The following CSMD1 variants were observed in gnomAD, a reference collection of about 807,000 sequenced individuals.
CSMD1 encodes the protein CUB and sushi domain-containing protein 1.
Under a neutral mutation model 417.5 loss-of-function variants are expected in CSMD1, and 213 were observed. The ratio of observed to expected loss-of-function variants is 0.51; its 90% CI spans 0.46 to 0.57. The LOEUF (loss-of-function observed/expected upper bound fraction) is 0.57, where lower values mean the gene tolerates loss of function less well. CSMD1 is among the 20% of genes least tolerant of loss of function. CSMD1 has a pLI of 0.00. For missense variants in CSMD1, 6,923 were observed against 4,529.7 expected (o/e 1.53, Z -15.17); for synonymous variants, 2,862 against 1,736.8 (o/e 1.65, Z -16.11).
intron 10 of CSMD1, among the ~76,000 whole-genome samples, chr8:3,508,308 G>A (rs1015898220): frequency 3.3e-5 from 5 of 149,662 alleles, no homozygotes; most frequent in East Asian, 2.1e-4. Flanking sequence ...CAGGGCAGGT[G>A]AGAACACTTG....
At chr8:3,143,243 A>C (rs964496342) in intron 40 of CSMD1, among the ~76,000 whole-genome samples, 9 of 152,170 alleles carry the variant, frequency 5.9e-5, no homozygotes, top group Non-Finnish European at 1.3e-4. Flanking sequence ...GGCTTTTACT[A>C]ACTGGACGGT....
At chr8:4,659,235 C>A (rs1000751941) in intron 1 of CSMD1, among the ~76,000 whole-genome samples, 3 of 150,510 alleles carry the variant, frequency 2.0e-5, no homozygotes, top group Non-Finnish European at 4.4e-5. Flanking sequence ...AGAGGAAATG[C>A]ATAGCTGCAA....
At chr8:3,877,336 G>C (rs1176463592) in intron 5 of CSMD1, among the ~76,000 whole-genome samples, 1 of 152,188 alleles carries the variant, frequency 6.6e-6, no homozygotes, top group Non-Finnish European at 1.5e-5. Flanking sequence ...CTGTGTCCAT[G>C]ATGGGGGAGG....
In CSMD1 at chr8:4,031,964, G is replaced by A. The variant is rs765683466; in HGVS notation, c.551C>T (p.Thr184Ile). The stretch of plus-strand genomic sequence containing the variant: ...ACCATTTCCTGGGCTGACGATGCAG[G>A]TCAGGATGGCGTGGCCTTCCAAGAT... ...GYILEGHAIL[T>I]CIVSPGNGAS... Residue 184 changes from threonine (T) to isoleucine (I), a missense_variant, in exon 4 of 70, where the codon ACC becomes ATC. By Grantham distance (89) the Thr-to-Ile change is moderately conservative (BLOSUM62 -1). Transcript: ENST00000635120. 1.9e-5 allele frequency: 31 copies of A among 1,613,846 alleles called. 1 individual carries two copies. In the South Asian group the frequency reaches 2.9e-4, roughly 15 times the overall value.
intron 26 of CSMD1, among the ~76,000 whole-genome samples, chr8:3,262,036 G>T (rs546892136): frequency 2.2e-4 from 33 of 151,694 alleles, no homozygotes; most frequent in Middle Eastern, 3.4e-3. Flanking sequence ...TGTTTTATTT[G>T]TTGCCACTCT....
At chr8:3,726,987 A>G (rs1447793994) in intron 6 of CSMD1, among the ~76,000 whole-genome samples, 2 of 152,182 alleles carry the variant, frequency 1.3e-5, no homozygotes, top group Non-Finnish European at 2.9e-5. Context: ...ACCACCAGTA[A>G]ACACTGTGAA....
intron 3 of CSMD1, among the ~76,000 whole-genome samples, chr8:4,086,931 C>A (rs1026629081): frequency 1.3e-5 from 2 of 152,228 alleles, no homozygotes; most frequent in African/African-American, 4.8e-5. Flanking sequence ...GTTAAACTCA[C>A]TAACCAGCTG....
At chr8:4,598,960 C>A (rs1440771549) in intron 2 of CSMD1, among the ~76,000 whole-genome samples, 2 of 152,080 alleles carry the variant, frequency 1.3e-5, no homozygotes, top group African/African-American at 4.8e-5. Flanking sequence ...AAATGTTAAA[C>A]CAATTGTTAG....
At chr8:3,884,738 A>C (rs1806438814) in intron 5 of CSMD1, among the ~76,000 whole-genome samples, 1 of 152,118 alleles carries the variant, frequency 6.6e-6, no homozygotes, top group Admixed American at 6.6e-5. Context: ...TAACTTGTAT[A>C]AAACCTGTGA....
intron 1 of CSMD1, among the ~76,000 whole-genome samples, chr8:4,880,954 A>C (rs1418713153): frequency 1.3e-5 from 2 of 152,222 alleles, no homozygotes; most frequent in African/African-American, 4.8e-5. Flanking sequence ...AGAATGGGCC[A>C]GGAATCCATG....
intron 49 of CSMD1, among the ~76,000 whole-genome samples, chr8:3,056,953 C>G (rs1243479884): frequency 6.6e-6 from 1 of 151,788 alleles, no homozygotes. Flanking sequence ...TAGTGCCTGC[C>G]ATTTGTTTTT....
chr8:4,064,352 T>C (rs893410464), intron 3 of CSMD1, among the ~76,000 whole-genome samples: 2 of 152,194 alleles, frequency 1.3e-5, no homozygotes, highest in African/African-American at 4.8e-5. Flanking sequence ...CTTTCACAAA[T>C]TGTATCTCTG....
At chr8:4,056,783 G>A (rs927640000) in intron 3 of CSMD1, among the ~76,000 whole-genome samples, 13 of 152,018 alleles carry the variant, frequency 8.6e-5, no homozygotes, top group African/African-American at 2.7e-4. Context: ...AGAACATGCG[G>A]TGTTTCGTTT....
At chr8:4,454,310 C>G (rs1054344843) in intron 2 of CSMD1, among the ~76,000 whole-genome samples, 1 of 152,196 alleles carries the variant, frequency 6.6e-6, no homozygotes, top group African/African-American at 2.4e-5. Flanking sequence ...GCAGCCTCTT[C>G]TTCCGCATCC....
At chr8:3,210,897 T>C (rs991258882) in intron 30 of CSMD1, among the ~76,000 whole-genome samples, 4 of 152,052 alleles carry the variant, frequency 2.6e-5, no homozygotes, top group African/African-American at 9.7e-5. Context: ...TCATGACCTT[T>C]CCTCAATTTT....
intron 5 of CSMD1, among the ~76,000 whole-genome samples, chr8:3,904,086 G>T (rs1352635574): frequency 6.6e-6 from 1 of 152,008 alleles, no homozygotes; most frequent in East Asian, 1.9e-4. Context: ...GTCAAAGATT[G>T]TACATTATTT....
At chr8:4,821,100 T>C (rs949154060) in intron 1 of CSMD1, among the ~76,000 whole-genome samples, 25 of 152,240 alleles carry the variant, frequency 1.6e-4, no homozygotes, top group African/African-American at 5.5e-4. Context: ...AGATACCAGA[T>C]TGATACTTAA....
intron 3 of CSMD1, among the ~76,000 whole-genome samples, chr8:4,242,772 A>T (rs1417744642): frequency 6.6e-6 from 1 of 152,168 alleles, no homozygotes; most frequent in East Asian, 1.9e-4. Context: ...GGATGGAAAG[A>T]TGGTAATTTA....
rs554559335 is a variant in CSMD1 at position 3,447,841 on chromosome 8, G to C, written c.1561+20871C>G. 2.6e-5 allele frequency among the ~76,000 whole-genome samples: 4 copies of C among 152,234 alleles called. 1 individual carries two copies. In the South Asian group the frequency reaches 6.2e-4, roughly 24 times the overall value. On this transcript the variant is annotated intron_variant, in intron 12 of 69. Coordinates refer to ENST00000635120, the MANE Select transcript of CSMD1 (RefSeq NM_033225.6). ...GGGCCATTTTTGGGTTTGAGATGGA[G>C]GCCATCGGAGGTGTCTTTACTCTTC...
Sources: gnomAD v4.1 joint callset for allele counts (sites outside exome capture counted in the v4.1 genomes callset) on GRCh38, gnomAD v4.1.1 for gene constraint, MANE v1.5 for transcripts, NCBI Gene and HGNC (gene_info 2026-07-23, HGNC 2026-07-21) for gene names.